Variants in DLG2 observed in about 807,000 individuals in gnomAD.
DLG2 encodes discs large MAGUK scaffold protein 2, also known as disks large homolog 2.
A neutral mutation model predicts 132.5 loss-of-function variants in DLG2; 45 were observed. The ratio of observed to expected loss-of-function variants is 0.34; its 90% CI spans 0.27 to 0.44. The LOEUF is 0.44. DLG2 is among the 20% of genes least tolerant of loss of function. The probability of loss-of-function intolerance (pLI) is 1.00; values close to 1 mark genes in which losing one functional copy is unlikely to be tolerated. For synonymous variants in DLG2, 424 were observed against 419.6 expected (o/e 1.01, Z -0.13); for missense variants, 1,045 against 1,196.9 (o/e 0.87, Z 1.87).
chr11:84,812,406 T>A (rs1022059698), intron 6 of DLG2, among the ~76,000 whole-genome samples: 1 of 152,174 alleles, frequency 6.6e-6, no homozygotes, highest in Non-Finnish European at 1.5e-5. Flanking sequence ...CACAGAATAG[T>A]ATCTGATACT....
chr11:83,985,514 C>G (rs2093202564), intron 11 of DLG2, among the ~76,000 whole-genome samples: 1 of 151,988 alleles, frequency 6.6e-6, no homozygotes, highest in South Asian at 2.1e-4. Flanking sequence ...CCCTGCTTCC[C>G]TCCCCTTGAC....
In DLG2 at chr11:83,869,714, C is replaced by A. The variant is rs76742274; in HGVS notation, c.1565+4706G>T. 4.3e-3 allele frequency among the ~76,000 whole-genome samples: 658 copies of A among 152,256 alleles called. 4 individuals carry two copies. Among genetic ancestry groups the A allele is most frequent in the African/African-American group, 0.015 (639 of 41,548 alleles). ...TTTTTGGTGGGGTTAGTTAGACAAA[C>A]TATTTATTCCATAAAGGATTCCTTG... On this transcript the variant is annotated intron_variant, in intron 16 of 27. Coordinates refer to ENST00000376104, the MANE Select transcript of DLG2 (RefSeq NM_001142699.3).
intron 15 of DLG2, among the ~76,000 whole-genome samples, chr11:83,923,427 T>C (rs1591108614): frequency 2.6e-5 from 4 of 152,222 alleles, no homozygotes; most frequent in Admixed American, 2.0e-4. Context: ...TATGGCCAAA[T>C]GGGAGGCTTC....
chr11:84,029,356 T>C (rs1397274486), intron 11 of DLG2, among the ~76,000 whole-genome samples: 1 of 152,058 alleles, frequency 6.6e-6, no homozygotes, highest in East Asian at 1.9e-4. Flanking sequence ...ATGCTCACCA[T>C]ACAGAAGCAA....
chr11:83,633,359 C>T, intron 18 of DLG2, 34 bp from the exon 19 acceptor site: 1 of 1,581,728 alleles, frequency 6.3e-7, no homozygotes, highest in Non-Finnish European at 8.6e-7. Context: ...AAATTTTGCT[C>T]TGTGCCCTCA....
chr11:85,483,867 C>A (rs1485443235), intron 3 of DLG2, among the ~76,000 whole-genome samples: 1 of 149,614 alleles, frequency 6.7e-6, no homozygotes, highest in East Asian at 2.0e-4. Flanking sequence ...TCACTTGAAC[C>A]CAGGATGCAG....
chr11:85,498,492 C>A (rs978696280), intron 3 of DLG2, among the ~76,000 whole-genome samples: 2 of 152,156 alleles, frequency 1.3e-5, no homozygotes, highest in Non-Finnish European at 2.9e-5. Flanking sequence ...GAGACTTTAA[C>A]ACCCCATTGT....
At chr11:84,804,447 T>C (rs955833999) in intron 6 of DLG2, among the ~76,000 whole-genome samples, 1 of 152,134 alleles carries the variant, frequency 6.6e-6, no homozygotes, top group Non-Finnish European at 1.5e-5. Context: ...TATGTACAAA[T>C]AAAACCCCTG....
intron 6 of DLG2, among the ~76,000 whole-genome samples, chr11:85,084,087 C>G (rs1375920022): frequency 6.6e-6 from 1 of 151,886 alleles, no homozygotes; most frequent in African/African-American, 2.4e-5. Context: ...TAAAAAGGAG[C>G]AGATAAATAG....
intron 6 of DLG2, among the ~76,000 whole-genome samples, chr11:84,797,563 T>C (rs183033656): frequency 2.0e-5 from 3 of 152,318 alleles, no homozygotes; most frequent in Admixed American, 2.0e-4. Context: ...CCAGAATTTC[T>C]GCTTGCTTCT....
intron 7 of DLG2, among the ~76,000 whole-genome samples, chr11:84,431,586 G>A (rs1341270725): frequency 6.6e-6 from 1 of 151,648 alleles, no homozygotes; most frequent in Admixed American, 6.6e-5. Context: ...ATTCAGAATA[G>A]GACACATAAT....
At chr11:84,701,361 C>T (rs1392857917) in intron 6 of DLG2, among the ~76,000 whole-genome samples, 3 of 151,616 alleles carry the variant, frequency 2.0e-5, no homozygotes, top group African/African-American at 7.3e-5. Flanking sequence ...AACATGAGAA[C>T]TATGACATGA....
intron 3 of DLG2, among the ~76,000 whole-genome samples, chr11:85,551,938 A>T (rs2076687661): frequency 6.6e-6 from 1 of 152,066 alleles, no homozygotes; most frequent in Non-Finnish European, 1.5e-5. Flanking sequence ...GAAACTAAGA[A>T]TTCAGTGGGA....
intron 7 of DLG2, among the ~76,000 whole-genome samples, chr11:84,280,591 C>CA (rs926528800): frequency 4.7e-5 from 7 of 150,484 alleles, no homozygotes; most frequent in African/African-American, 2.4e-5. Context: ...CTGAAAACTA[C>CA]AAAAAAAGAA....
intron 14 of DLG2, among the ~76,000 whole-genome samples, chr11:83,956,575 G>A (rs972215920): frequency 1.3e-5 from 2 of 152,230 alleles, no homozygotes; most frequent in African/African-American, 2.4e-5. Context: ...CCCACAAGGG[G>A]TTGAGCACGG....
intron 9 of DLG2, among the ~76,000 whole-genome samples, chr11:84,114,825 CTATT>C (rs1344980499): frequency 9.8e-5 from 9 of 92,036 alleles, no homozygotes; most frequent in African/African-American, 2.8e-4. Context: ...TGAAGCCTGG[CTATT>C]TTTTTTTTTT....
chr11:84,819,076 TACACAC>T lies in DLG2; in HGVS notation c.358-284351_358-284346del, dbSNP rs111644735. Among the ~76,000 whole-genome samples, 330 of 129,514 alleles carry T rather than the reference TACACAC, an allele frequency of 2.5e-3. 2 individuals are homozygous for T. The highest frequency in any genetic ancestry group is 9.3e-3 in the African/African-American group (320 of 34,504). 85.0% of individuals were successfully genotyped at this position (129,514 alleles called of 152,430 possible). ...TGGCCCACACTCCCTCACTCACAAA[TACACAC>T]ACACACACACACACACACACACACA... On this transcript the variant is annotated intron_variant, in intron 6 of 27. Coordinates refer to ENST00000376104, the MANE Select transcript of DLG2 (RefSeq NM_001142699.3).
chr11:84,725,969 A>C (rs2062400053), intron 6 of DLG2, among the ~76,000 whole-genome samples: 1 of 151,870 alleles, frequency 6.6e-6, no homozygotes, highest in East Asian at 1.9e-4. Flanking sequence ...TGTCTCAGTG[A>C]CTCTCCTTAG....
chr11:83,486,548 T>TTTATG (rs1262969780), intron 21 of DLG2, among the ~76,000 whole-genome samples: 19 of 152,204 alleles, frequency 1.2e-4, no homozygotes, highest in Admixed American at 1.2e-3. Context: ...GATTAATTCT[T>TTTATG]TTATGTTTCA....
Sources: allele counts gnomAD v4.1 joint callset (sites outside exome capture counted in the v4.1 genomes callset), GRCh38; gene constraint gnomAD v4.1.1; transcripts MANE v1.5; gene names NCBI Gene and HGNC (gene_info 2026-07-23, HGNC 2026-07-21).